NUMB: variants seen among roughly 807,000 people sequenced by gnomAD.
NUMB encodes the protein NUMB endocytic adaptor protein.
In NUMB, 29 loss-of-function variants were observed where a neutral mutation model predicts 59.7. The ratio of observed to expected loss-of-function variants is 0.49; its 90% CI spans 0.36 to 0.66. The LOEUF is 0.66. NUMB is among the 30% of genes least tolerant of loss of function. The pLI is 0.00. For synonymous variants in NUMB, 288 were observed against 288.2 expected, an observed-to-expected ratio of 1.00 and a Z score of 0.01; for missense variants, 723 against 822.0, an observed-to-expected ratio of 0.88 and a Z score of 1.47.
intron 2 of NUMB, among the ~76,000 whole-genome samples, chr14:73,384,962 C>T (rs143238405): frequency 0.054 from 7,508 of 138,100 alleles, 635 homozygotes; most frequent in African/African-American, 0.19. Flanking sequence ...GGCACAATTT[C>T]GGCTCACTGT....
In NUMB at chr14:73,389,098, T is replaced by TAAA. The variant is rs71112747; in HGVS notation, c.-101+20836_-101+20838dup. Reference sequence around the variant, plus strand: ...TAGGCGACAGAGCAAGACTCTGCCTTAAAAAAAAAAAAAAAAAAAAAAATT... The same window carrying TAAA: ...TAGGCGACAGAGCAAGACTCTGCCTTAAAAAAAAAAAAAAAAAAAAAAAAAATT... On this transcript the variant is annotated intron_variant, in intron 2 of 12. Transcript: ENST00000555238. 6.7e-3 allele frequency among the ~76,000 whole-genome samples: 644 copies of TAAA among 95,722 alleles called. 7 individuals are homozygous for TAAA. Among genetic ancestry groups the TAAA allele is most frequent in the Non-Finnish European group, 9.0e-3 (462 of 51,078 alleles). The allele number at this position is 95,722 out of a possible 152,430, so 62.8% of individuals were successfully genotyped here. A position where few individuals can be genotyped will look rare whatever the true frequency, so the allele number is the denominator to read the frequency against.
At chr14:73,401,563 ATTTTT>A (rs1164847403) in intron 2 of NUMB, among the ~76,000 whole-genome samples, 1 of 110,054 alleles carries the variant, frequency 9.1e-6, no homozygotes, top group African/African-American at 3.8e-5. Flanking sequence ...GTAAGACTAA[ATTTTT>A]TTTTTTTTTT....
intron 2 of NUMB, among the ~76,000 whole-genome samples, chr14:73,375,883 A>G (rs2140066467): frequency 6.6e-6 from 1 of 152,334 alleles, no homozygotes; most frequent in Middle Eastern, 3.4e-3. Context: ...AATTTTATAC[A>G]AACTAGGAAC....
chr14:73,291,330 C>T (rs1401208128), intron 8 of NUMB, among the ~76,000 whole-genome samples: 1 of 152,026 alleles, frequency 6.6e-6, no homozygotes, highest in African/African-American at 2.4e-5. Flanking sequence ...ATCTGCCCAC[C>T]TCAACCTCCC....
At chr14:73,458,200 G>C (rs959962696) in intron 1 of NUMB, 1 of 152,470 alleles carries the variant, frequency 6.6e-6, no homozygotes, top group Admixed American at 6.5e-5. Flanking sequence ...CAGCGCGCTA[G>C]ACCGGAGCAG....
intron 2 of NUMB, among the ~76,000 whole-genome samples, chr14:73,367,190 C>CCA (rs1487067317): frequency 6.6e-6 from 1 of 150,716 alleles, no homozygotes; most frequent in Non-Finnish European, 1.5e-5. Context: ...TAATGTAGAA[C>CCA]CACAATTTTC....
intron 2 of NUMB, among the ~76,000 whole-genome samples, chr14:73,373,585 T>C (rs1894806469): frequency 6.6e-6 from 1 of 152,024 alleles, no homozygotes; most frequent in Non-Finnish European, 1.5e-5. Context: ...TTATAAAACC[T>C]TAAAGCTGTA....
chr14:73,306,008 T>A (rs921647986), intron 6 of NUMB, among the ~76,000 whole-genome samples: 2 of 152,252 alleles, frequency 1.3e-5, no homozygotes, highest in Non-Finnish European at 2.9e-5. Flanking sequence ...CTGAACAGAA[T>A]GGTGTAATCA....
intron 4 of NUMB, among the ~76,000 whole-genome samples, chr14:73,354,080 C>T (rs1173331030): frequency 6.6e-6 from 1 of 151,986 alleles, no homozygotes; most frequent in East Asian, 1.9e-4. Context: ...TTTCTCTAAC[C>T]TGTATATTTA....
chr14:73,449,076 T>C (rs970406422), intron 1 of NUMB, among the ~76,000 whole-genome samples: 3 of 152,206 alleles, frequency 2.0e-5, no homozygotes, highest in African/African-American at 7.2e-5. Flanking sequence ...AGTATAACTA[T>C]GTACATAACA....
intron 1 of NUMB, among the ~76,000 whole-genome samples, chr14:73,455,572 G>A (rs546559394): frequency 1.3e-5 from 2 of 152,064 alleles, no homozygotes; most frequent in African/African-American, 4.8e-5. Context: ...TCTATCCCAG[G>A]TGCATTTTGC....
intron 4 of NUMB, among the ~76,000 whole-genome samples, chr14:73,338,665 G>A (rs1892476180): frequency 6.6e-6 from 1 of 152,084 alleles, no homozygotes; most frequent in Non-Finnish European, 1.5e-5. Flanking sequence ...GTCTTTATAA[G>A]GCCCTACACC....
chr14:73,457,796 C>T (rs1251303573), intron 1 of NUMB: 1 of 152,502 alleles, frequency 6.6e-6, no homozygotes, highest in African/African-American at 2.4e-5. Context: ...ACTCGTCCGA[C>T]CCTCCGAAGA....
intron 1 of NUMB, among the ~76,000 whole-genome samples, chr14:73,424,006 G>A (rs1385875630): frequency 7.0e-6 from 1 of 142,728 alleles, no homozygotes; most frequent in African/African-American, 2.6e-5. Flanking sequence ...GATCTATTTT[G>A]ATACATGACA....
intron 3 of NUMB, among the ~76,000 whole-genome samples, chr14:73,365,949 T>C (rs1310995961): frequency 6.6e-6 from 1 of 152,222 alleles, no homozygotes; most frequent in Non-Finnish European, 1.5e-5. Context: ...ACATTCACCA[T>C]AGTGAAAGTT....
In NUMB at chr14:73,284,198, G is replaced by T; in HGVS notation, c.832C>A (p.Arg278=). ...TTCTGGCTAAGAGCAGGAAAACCTC[G>T]GAAAGAGCCTTGGCGAGCAAGCTGT... ...IEQLARQGSF[R]GFPALSQKMS... Residue 278 remains arginine (R), a synonymous_variant, in exon 10 of 13, where the codon CGA becomes AGA. Coordinates refer to ENST00000555238, the MANE Select transcript of NUMB (RefSeq NM_001005743.2). 6.2e-7 allele frequency: 1 copy of T among 1,614,154 alleles called. No individual in the cohort carries two copies. The highest frequency in any genetic ancestry group is 8.5e-7 in the Non-Finnish European group (1 of 1,180,040).
chr14:73,317,957 C>T (rs944161485), intron 5 of NUMB, among the ~76,000 whole-genome samples: 14 of 152,226 alleles, frequency 9.2e-5, no homozygotes, highest in Admixed American at 3.3e-4. Context: ...CTCTCCAACA[C>T]TGGAAAGTTT....
chr14:73,319,179 C>T lies in NUMB; in HGVS notation c.202-2757G>A, dbSNP rs1010721116. Among the ~76,000 whole-genome samples the T allele has an allele frequency of 3.7e-4, 56 of 152,238 alleles. 1 individual carries two copies. Among genetic ancestry groups the T allele is most frequent in the Admixed American group, 3.1e-3 (48 of 15,290 alleles). ...TCTGGAGGCTGAGGCAGGAGAATCG[C>T]GTGAACCCGGGAGGCGGAGGTTGCA... is the stretch of plus-strand genomic sequence containing the variant. On this transcript the variant is annotated intron_variant, in intron 5 of 12. Transcript: ENST00000555238.
At chr14:73,284,824 AAC>A (rs1332709941) in intron 9 of NUMB, 1 of 148,090 alleles carries the variant, frequency 6.8e-6, no homozygotes, top group African/African-American at 2.5e-5. Flanking sequence ...TGTCATATAT[AAC>A]AGTCTTTATT....
Sources: allele counts gnomAD v4.1 joint callset (sites outside exome capture counted in the v4.1 genomes callset), GRCh38; gene constraint gnomAD v4.1.1; transcripts MANE v1.5; gene names NCBI Gene and HGNC (gene_info 2026-07-23, HGNC 2026-07-21).